DPP6: variants seen among roughly 807,000 people sequenced by gnomAD.
DPP6 encodes the protein dipeptidyl peptidase like 6.
In DPP6, 69 loss-of-function variants were observed where a neutral mutation model predicts 122.6. That is an observed-to-expected ratio of 0.56 (90% CI 0.46 to 0.69). DPP6 has a LOEUF of 0.69. Ranked by LOEUF, DPP6 falls within the 30% of genes least tolerant of loss-of-function variation. The pLI is 0.00. For missense variants in DPP6, 928 were observed against 1,116.9 expected, an observed-to-expected ratio of 0.83 and a Z score of 2.41; for synonymous variants, 418 against 433.1, an observed-to-expected ratio of 0.97 and a Z score of 0.43.
intron 8 of DPP6, among the ~76,000 whole-genome samples, chr7:154,739,889 G>T (rs1842739914): frequency 1.3e-5 from 2 of 152,212 alleles, no homozygotes; most frequent in African/African-American, 2.4e-5. Flanking sequence ...ACTGAAACAG[G>T]TTAACCGCAA....
chr7:154,392,832 G>A (rs1391353089), intron 1 of DPP6, among the ~76,000 whole-genome samples: 2 of 152,170 alleles, frequency 1.3e-5, no homozygotes, highest in Non-Finnish European at 1.5e-5. Context: ...AAATTTCAAG[G>A]CAGGGGGCCC....
chr7:154,795,992 A>C, intron 12 of DPP6, 109 bp downstream of exon 12: 1 of 1,455,740 alleles, frequency 6.9e-7, no homozygotes, highest in Non-Finnish European at 9.1e-7. Flanking sequence ...TAAATCACAC[A>C]GGGCTCCCCA....
chr7:154,148,793 T>C lies in DPP6; in HGVS notation c.243+95730T>C, dbSNP rs531434984. Among the ~76,000 whole-genome samples the C allele has an allele frequency of 2.0e-5, 3 of 152,358 alleles. No homozygotes were observed. The South Asian group carries it at 6.2e-4, about 32-fold the overall frequency. ...CATCGCTCTTATTGCAAGCATGTAT[T>C]AGCTGTTCTCACGCCTGCTGAGAAT... On this transcript the variant is annotated intron_variant, in intron 1 of 25. Coordinates refer to ENST00000377770, the MANE Select transcript of DPP6 (RefSeq NM_130797.4).
At chr7:154,387,801 G>T (rs7794191) in intron 1 of DPP6, among the ~76,000 whole-genome samples, 1 of 152,078 alleles carries the variant, frequency 6.6e-6, no homozygotes, top group African/African-American at 2.4e-5. Context: ...AGGAGAAGCT[G>T]GTGACTAACC....
rs933851895 is a variant in DPP6 at position 154,894,205 on chromosome 7, G to C, written c.*1725G>C. ...GGTCTGGAAGGGGAAGCCAGCTCTG[G>C]CCACGACATCTGGTCGGAGGGAAGT... On this transcript the variant is annotated 3_prime_UTR_variant, in exon 26 of 26. Coordinates refer to ENST00000377770, the MANE Select transcript of DPP6 (RefSeq NM_130797.4). The C allele has an allele frequency of 3.3e-5, 5 of 152,272 alleles. No homozygotes were observed. Among genetic ancestry groups the C allele is most frequent in the Admixed American group, 2.0e-4 (3 of 15,282 alleles). 9.4% of individuals were successfully genotyped at this position (152,272 alleles called of 1,614,324 possible). A position where few individuals can be genotyped will look rare whatever the true frequency, so the allele number is the denominator to read the frequency against.
At chr7:154,820,504 C>T (rs913154271) in intron 16 of DPP6, among the ~76,000 whole-genome samples, 8 of 152,200 alleles carry the variant, frequency 5.3e-5, no homozygotes, top group Non-Finnish European at 4.4e-5. Context: ...ATCACGCTGA[C>T]GTAAATGAAT....
In DPP6 at chr7:154,027,435, A is replaced by C. The variant is rs189981592; in HGVS notation, c.51+139701A>C. Reference sequence around the variant, plus strand: ...CTGGGAACATGTGGCTTCCTGACCCACAGAGGATGGCTTCTCGCTGTGTCC... The same window carrying C: ...CTGGGAACATGTGGCTTCCTGACCCCCAGAGGATGGCTTCTCGCTGTGTCC... On this transcript the variant is annotated intron_variant, in intron 1 of 25. Coordinates refer to the DPP6 transcript ENST00000404039. Among the ~76,000 whole-genome samples the C allele has an allele frequency of 2.6e-3, 403 of 152,270 alleles. 11 individuals carry two copies. The highest frequency in any genetic ancestry group is 0.023 in the Admixed American group (357 of 15,290).
chr7:154,753,896 T>G (rs950368787), intron 8 of DPP6, among the ~76,000 whole-genome samples: 1 of 152,210 alleles, frequency 6.6e-6, no homozygotes, highest in African/African-American at 2.4e-5. Flanking sequence ...CCTGAGCTGC[T>G]TCCTGGGGTC....
At chr7:154,853,594 C>A (rs577209618) in intron 16 of DPP6, among the ~76,000 whole-genome samples, 186 bp from the exon 17 acceptor site, 48 of 152,338 alleles carry the variant, frequency 3.2e-4, no homozygotes, top group Admixed American at 1.4e-3. Context: ...AGGTAGGGAG[C>A]TGTGCCTTGG....
the DPP6 span, among the ~76,000 whole-genome samples, chr7:153,819,077 C>T: frequency 3.4e-3 from 342 of 99,666 alleles, no homozygotes; most frequent in Middle Eastern, 0.022. Flanking sequence ...CTTTTCTTTT[C>T]TTTTTTTTTT....
chr7:154,019,148 A>C (rs1164725735), intron 1 of DPP6, among the ~76,000 whole-genome samples: 1 of 152,172 alleles, frequency 6.6e-6, no homozygotes, highest in Non-Finnish European at 1.5e-5. Flanking sequence ...AGCCTAGTCT[A>C]TTCTGGCTAC....
intron 1 of DPP6, among the ~76,000 whole-genome samples, chr7:153,912,172 G>A (rs1800118481): frequency 6.6e-6 from 1 of 152,186 alleles, no homozygotes; most frequent in African/African-American, 2.4e-5. Context: ...ATCAGTTCCT[G>A]TAATTTTTGC....
At chr7:154,386,855 G>A (rs549478263) in intron 1 of DPP6, among the ~76,000 whole-genome samples, 29 of 152,264 alleles carry the variant, frequency 1.9e-4, no homozygotes, top group African/African-American at 6.3e-4. Flanking sequence ...GAAGCACCCC[G>A]TGGGTGAGCC....
At chr7:154,060,294 C>T (rs1343104921) in intron 1 of DPP6, among the ~76,000 whole-genome samples, 1 of 134,182 alleles carries the variant, frequency 7.5e-6, no homozygotes, top group South Asian at 2.3e-4. Context: ...GGCAATCCCT[C>T]TTCCCCCCCT....
At chr7:154,639,396 A>G (rs1835922978) in intron 6 of DPP6, among the ~76,000 whole-genome samples, 1 of 152,228 alleles carries the variant, frequency 6.6e-6, no homozygotes, top group Non-Finnish European at 1.5e-5. Context: ...TCCCAAGCAG[A>G]TATATATCTT....
the DPP6 span, among the ~76,000 whole-genome samples, chr7:153,787,818 T>C: frequency 7.2e-6 from 1 of 138,534 alleles, no homozygotes; most frequent in South Asian, 2.5e-4. Flanking sequence ...GCATTGATTT[T>C]AATAGTGATT....
chr7:154,623,211 C>T (rs1018493870), intron 5 of DPP6, among the ~76,000 whole-genome samples: 3 of 152,182 alleles, frequency 2.0e-5, no homozygotes, highest in Admixed American at 6.5e-5. Flanking sequence ...GGGTGCAAGT[C>T]TACTGATACA....
At chr7:154,581,577 A>G (rs548514749) in intron 5 of DPP6, among the ~76,000 whole-genome samples, 4 of 152,336 alleles carry the variant, frequency 2.6e-5, no homozygotes, top group Admixed American at 2.6e-4. Flanking sequence ...TGTCCACATG[A>G]TCTGACCTGG....
At chr7:154,562,807 A>G (rs1830508558) in intron 4 of DPP6, among the ~76,000 whole-genome samples, 1 of 152,202 alleles carries the variant, frequency 6.6e-6, no homozygotes, top group Non-Finnish European at 1.5e-5. Context: ...TTAAATATTT[A>G]AATTAAAATA....
Sources: allele counts gnomAD v4.1 joint callset (sites outside exome capture counted in the v4.1 genomes callset), GRCh38; gene constraint gnomAD v4.1.1; transcripts MANE v1.5; gene names NCBI Gene and HGNC (gene_info 2026-07-23, HGNC 2026-07-21).